MDGA2: variants seen among roughly 807,000 people sequenced by gnomAD.
MDGA2 encodes MAM domain-containing glycosylphosphatidylinositol anchor protein 2.
MDGA2 carries 40 observed loss-of-function variants against 117.8 expected under a neutral mutation model. The observed-to-expected ratio is 0.34, with a 90% CI of 0.26 to 0.44. The LOEUF is 0.44. Ranked by LOEUF, MDGA2 falls within the 20% of genes least tolerant of loss-of-function variation. The pLI, the probability that MDGA2 is intolerant of heterozygous loss-of-function variation, is 1.00. For missense variants in MDGA2, 1,123 were observed against 1,250.6 expected (o/e 0.90, Z 1.54); for synonymous variants, 452 against 439.0 (o/e 1.03, Z -0.37).
At position 46,858,867 on chromosome 14, in the gene MDGA2, G is replaced by A. The variant is rs1881391696; in HGVS notation, c.2753-3713C>T. On this transcript the variant is annotated intron_variant, in intron 14 of 16. Coordinates refer to ENST00000399232, the MANE Select transcript of MDGA2 (RefSeq NM_001113498.3). ...TTGGATATCTAGTTACTTTCAGTGA[G>A]TAATGGGCATTGTAGATAGAACATT... Among the ~76,000 whole-genome samples the A allele has an allele frequency of 2.6e-5, 4 of 152,242 alleles. No homozygotes were observed. In the South Asian group the frequency reaches 8.3e-4, roughly 32 times the overall value.
chr14:47,142,939 C>T (rs747346419), intron 4 of MDGA2, among the ~76,000 whole-genome samples: 2 of 152,104 alleles, frequency 1.3e-5, no homozygotes, highest in Non-Finnish European at 2.9e-5. Flanking sequence ...TTTTAATTTA[C>T]AATCTATTTG....
chr14:46,858,560 TG>T (rs1191349371), intron 14 of MDGA2, among the ~76,000 whole-genome samples: 1 of 151,762 alleles, frequency 6.6e-6, no homozygotes, highest in African/African-American at 2.4e-5. Context: ...CCCGAGTAGC[TG>T]GGACTACAGG....
intron 1 of MDGA2, among the ~76,000 whole-genome samples, chr14:47,484,881 G>GC (rs796113590): frequency 9.2e-5 from 14 of 152,132 alleles, no homozygotes; most frequent in African/African-American, 3.4e-4. Flanking sequence ...TGATTGTGAG[G>GC]CCTCCCCAGC....
intron 1 of MDGA2, among the ~76,000 whole-genome samples, chr14:47,378,550 A>G (rs1443729339): frequency 6.6e-6 from 1 of 152,226 alleles, no homozygotes; most frequent in Non-Finnish European, 1.5e-5. Flanking sequence ...AAACCATGGC[A>G]GGAGAACTAA....
intron 1 of MDGA2, among the ~76,000 whole-genome samples, chr14:47,604,228 A>T (rs145255793): frequency 2.0e-5 from 3 of 152,156 alleles, no homozygotes; most frequent in African/African-American, 7.2e-5. Flanking sequence ...TTGGCAGTTC[A>T]AATGTCACTT....
At chr14:47,227,579 T>A (rs1886550156) in intron 2 of MDGA2, among the ~76,000 whole-genome samples, 2 of 152,084 alleles carry the variant, frequency 1.3e-5, no homozygotes, top group Non-Finnish European at 2.9e-5. Context: ...TAACCAATGG[T>A]AAGTTCATTA....
At chr14:46,873,820 T>A (rs1882114814) in intron 13 of MDGA2, 2 of 575,108 alleles carry the variant, frequency 3.5e-6, no homozygotes, top group African/African-American at 3.9e-5. Context: ...AATTTAGACT[T>A]GAATTATCAA....
chr14:47,086,122 T>G (rs570824124), intron 6 of MDGA2, among the ~76,000 whole-genome samples: 48 of 66,338 alleles, frequency 7.2e-4, no homozygotes, highest in African/African-American at 1.8e-3. Flanking sequence ...TTGTTTTTTG[T>G]TTTTTTTTTA....
In MDGA2 at chr14:46,947,896, T is replaced by G. The variant is rs147854644; in HGVS notation, c.2089+9478A>C. 6.6e-5 allele frequency among the ~76,000 whole-genome samples: 10 copies of G among 152,176 alleles called. No homozygotes were observed. The East Asian group carries it at 1.7e-3, about 27-fold the overall frequency. On this transcript the variant is annotated intron_variant, in intron 9 of 16. Coordinates refer to ENST00000399232, the MANE Select transcript of MDGA2 (RefSeq NM_001113498.3). ...TAATTTTATTTCTGCATTTGGTCTT[T>G]TACTTCTTTATGGGTTTCCTGCTAA...
At chr14:47,255,868 A>G (rs1887600029) in intron 2 of MDGA2, among the ~76,000 whole-genome samples, 1 of 152,024 alleles carries the variant, frequency 6.6e-6, no homozygotes, top group Non-Finnish European at 1.5e-5. Flanking sequence ...TAGAATAAGT[A>G]TTACTGGAAA....
intron 1 of MDGA2, among the ~76,000 whole-genome samples, chr14:47,657,509 T>A (rs4900795): frequency 0.47 from 71,757 of 151,990 alleles, 17,558 homozygotes; most frequent in Middle Eastern, 0.56. Context: ...GACCCTGATG[T>A]ACCCCATTCC....
chr14:47,297,423 GGGAGT>G (rs1889110599), intron 2 of MDGA2, among the ~76,000 whole-genome samples: 1 of 148,096 alleles, frequency 6.8e-6, no homozygotes, highest in Non-Finnish European at 1.5e-5. Flanking sequence ...GGGAGGAGAG[GGGAGT>G]GGAGGGGAGT....
chr14:47,437,676 G>A (rs1171720250), intron 1 of MDGA2, among the ~76,000 whole-genome samples: 1 of 152,088 alleles, frequency 6.6e-6, no homozygotes, highest in East Asian at 1.9e-4. Context: ...ATGTGATCAG[G>A]GAACTGGGGC....
intron 7 of MDGA2, among the ~76,000 whole-genome samples, chr14:47,037,975 G>A (rs959785139): frequency 1.2e-4 from 18 of 152,288 alleles, no homozygotes; most frequent in Admixed American, 1.1e-3. Flanking sequence ...TGTTGCCCAG[G>A]CTGGGGTGCA....
At chr14:47,079,983 G>A (rs192135095) in intron 6 of MDGA2, among the ~76,000 whole-genome samples, 7 of 151,992 alleles carry the variant, frequency 4.6e-5, no homozygotes, top group African/African-American at 4.8e-5. Context: ...CGCCCGCCTC[G>A]GCCTCCCAAA....
intron 6 of MDGA2, among the ~76,000 whole-genome samples, chr14:47,082,255 A>G (rs1890733904): frequency 6.6e-6 from 1 of 151,540 alleles, no homozygotes; most frequent in African/African-American, 2.4e-5. Context: ...AACCAATGAG[A>G]TTTTTTTAAG....
At chr14:47,234,811 C>T (rs949728183) in intron 2 of MDGA2, among the ~76,000 whole-genome samples, 2 of 152,050 alleles carry the variant, frequency 1.3e-5, no homozygotes, top group East Asian at 1.9e-4. Context: ...CATAGAAAGG[C>T]ATTGTATTAT....
intron 2 of MDGA2, among the ~76,000 whole-genome samples, chr14:47,283,960 G>A (rs2899998): frequency 0.18 from 26,745 of 152,090 alleles, 2,470 homozygotes; most frequent in South Asian, 0.27. Context: ...GTGTATAAAC[G>A]TGTGAAGACA....
chr14:47,674,746 CCGG>C lies in MDGA2; in HGVS notation c.48_50del (p.Arg17del), dbSNP rs768335060. 22 of 737,840 alleles carry C rather than the reference CCGG, an allele frequency of 3.0e-5. No individual in the cohort carries two copies. Among genetic ancestry groups the C allele is most frequent in the Admixed American group, 8.4e-5 (4 of 47,816 alleles). 45.7% of individuals were successfully genotyped at this position (737,840 alleles called of 1,614,324 possible). A position where few individuals can be genotyped will look rare whatever the true frequency, so the allele number is the denominator to read the frequency against. On this transcript the variant is annotated inframe_deletion, in exon 1 of 17. Coordinates refer to ENST00000399232, the MANE Select transcript of MDGA2 (RefSeq NM_001113498.3). ...GGAAGCGCCGTCCGTCTGTCCTTCCCCGGCGGCGGCGGCGAGCGGAGCGCAGGA... is the reference window on the plus strand; with the variant it reads ...GGAAGCGCCGTCCGTCTGTCCTTCCCCGGCGGCGGCGAGCGGAGCGCAGGA...
Sources: allele counts gnomAD v4.1 joint callset (sites outside exome capture counted in the v4.1 genomes callset), GRCh38; gene constraint gnomAD v4.1.1; transcripts MANE v1.5; gene names NCBI Gene and HGNC (gene_info 2026-07-23, HGNC 2026-07-21).